KCNMA1: variants seen among roughly 807,000 people sequenced by gnomAD.
KCNMA1 encodes the protein Calcium-activated potassium channel subunit alpha-1.
Under a neutral mutation model 140.0 loss-of-function variants are expected in KCNMA1, and 29 were observed. The observed-to-expected ratio is 0.21, with a 90% CI of 0.15 to 0.28. The LOEUF (loss-of-function observed/expected upper bound fraction) is 0.28. Ranked by LOEUF, KCNMA1 falls within the 10% of genes least tolerant of loss-of-function variation. KCNMA1 has a pLI of 1.00. For missense variants in KCNMA1, 880 were observed against 1,602.2 expected, an observed-to-expected ratio of 0.55 and a Z score of 7.70; for synonymous variants, 612 against 611.9, an observed-to-expected ratio of 1.00 and a Z score of 0.00.
chr10:77,603,074 TG>T (rs2083187737), intron 1 of KCNMA1, among the ~76,000 whole-genome samples: 1 of 152,164 alleles, frequency 6.6e-6, no homozygotes, highest in African/African-American at 2.4e-5. Context: ...GAGTACAGTC[TG>T]GGGCTGCAGG....
chr10:77,157,146 TA>T (rs1243682836), intron 5 of KCNMA1, among the ~76,000 whole-genome samples: 12 of 152,232 alleles, frequency 7.9e-5, no homozygotes, highest in African/African-American at 2.6e-4. Flanking sequence ...TTTTATTTTT[TA>T]AAAAAACATG....
chr10:77,141,508 G>T (rs2098169886), intron 5 of KCNMA1, among the ~76,000 whole-genome samples: 1 of 152,200 alleles, frequency 6.6e-6, no homozygotes, highest in South Asian at 2.1e-4. Flanking sequence ...ACAGTGAGAG[G>T]GCAGCCGCCT....
intron 16 of KCNMA1, among the ~76,000 whole-genome samples, chr10:77,025,939 C>T (rs953611558): frequency 2.1e-5 from 3 of 143,902 alleles, no homozygotes; most frequent in Non-Finnish European, 4.5e-5. Context: ...GGCAACTGCA[C>T]AAAGAAAGCC....
intron 1 of KCNMA1, among the ~76,000 whole-genome samples, chr10:77,625,914 G>T (rs889424385): frequency 6.6e-6 from 1 of 152,136 alleles, no homozygotes; most frequent in Non-Finnish European, 1.5e-5. Flanking sequence ...AATTTGTTTT[G>T]AGAAACTGCC....
At chr10:77,172,111 C>A (rs2098713690) in intron 5 of KCNMA1, among the ~76,000 whole-genome samples, 1 of 152,136 alleles carries the variant, frequency 6.6e-6, no homozygotes, top group Non-Finnish European at 1.5e-5. Flanking sequence ...GATCTGCTAG[C>A]CAGGTCAATC....
At chr10:77,056,364 A>C (rs749369210) in intron 14 of KCNMA1, among the ~76,000 whole-genome samples, 2 of 152,128 alleles carry the variant, frequency 1.3e-5, no homozygotes, top group Non-Finnish European at 2.9e-5. Context: ...TGGGTGACAG[A>C]GTGAGACTCC....
intron 1 of KCNMA1, among the ~76,000 whole-genome samples, chr10:77,498,109 T>C (rs1200522397): frequency 6.6e-6 from 1 of 151,694 alleles, no homozygotes; most frequent in Admixed American, 6.6e-5. Context: ...AAATCAGTTA[T>C]GCAGAAAAAG....
chr10:77,138,404 A>C (rs1373725069), intron 5 of KCNMA1, among the ~76,000 whole-genome samples: 1 of 152,144 alleles, frequency 6.6e-6, no homozygotes, highest in East Asian at 1.9e-4. Flanking sequence ...GATTATAGGC[A>C]TAAGCCATTT....
In KCNMA1 at chr10:77,221,007, T is replaced by C. The variant is rs182278045; in HGVS notation, c.602+30188A>G. On this transcript the variant is annotated intron_variant, in intron 3 of 27. Transcript: ENST00000286628. Reference sequence around the variant, plus strand: ...TTATAAATCAGGATGAGTCATTTGATTCACCAAGGGAAAAGATAAATAAAC... The same window carrying C: ...TTATAAATCAGGATGAGTCATTTGACTCACCAAGGGAAAAGATAAATAAAC... Among the ~76,000 whole-genome samples the C allele has an allele frequency of 1.7e-3, 257 of 152,320 alleles. No homozygotes were observed. The Middle Eastern group carries it at 0.02, about 12-fold the overall frequency.
At chr10:76,992,544 A>G (rs192695970) in intron 19 of KCNMA1, among the ~76,000 whole-genome samples, 4 of 152,318 alleles carry the variant, frequency 2.6e-5, no homozygotes, top group Admixed American at 6.5e-5. Flanking sequence ...AGAAAGCCCC[A>G]GAGAGAGAAG....
intron 17 of KCNMA1, among the ~76,000 whole-genome samples, chr10:77,013,996 A>T (rs551188564): frequency 1.1e-4 from 16 of 152,374 alleles, no homozygotes; most frequent in South Asian, 1.0e-3. Context: ...TAATTGACAA[A>T]TAATAATTGT....
chr10:76,916,653 A>C (rs1274359794), intron 23 of KCNMA1, among the ~76,000 whole-genome samples: 2 of 152,170 alleles, frequency 1.3e-5, no homozygotes, highest in East Asian at 3.9e-4. Context: ...TCACTTGCTA[A>C]ATTTCCAAGG....
intron 2 of KCNMA1, among the ~76,000 whole-genome samples, chr10:77,289,394 C>G (rs2072328232): frequency 1.3e-5 from 2 of 152,186 alleles, no homozygotes; most frequent in South Asian, 4.1e-4. Flanking sequence ...CAGCCGGCGT[C>G]CCTCCAGGTA....
intron 2 of KCNMA1, among the ~76,000 whole-genome samples, chr10:77,259,630 C>T (rs1193230196): frequency 6.6e-6 from 1 of 152,142 alleles, no homozygotes; most frequent in Non-Finnish European, 1.5e-5. Context: ...TCTCCATTTG[C>T]CTCCTCCCAC....
At chr10:77,025,233 GGTGT>G (rs199865838) in intron 16 of KCNMA1, among the ~76,000 whole-genome samples, 1 of 59,314 alleles carries the variant, frequency 1.7e-5, no homozygotes, top group African/African-American at 6.1e-5. Context: ...GTTGGAGAGG[GGTGT>G]GTGTGTATAT....
At chr10:77,547,092 C>T (rs541597160) in intron 1 of KCNMA1, among the ~76,000 whole-genome samples, 37 of 152,242 alleles carry the variant, frequency 2.4e-4, no homozygotes, top group African/African-American at 8.7e-4. Context: ...CCTGGATAAC[C>T]CATCAGAACA....
At chr10:77,310,824 C>T (rs2079062862) in intron 2 of KCNMA1, among the ~76,000 whole-genome samples, 2 of 152,198 alleles carry the variant, frequency 1.3e-5, no homozygotes, top group South Asian at 4.1e-4. Context: ...TAATAAAACC[C>T]TTTCCAACCC....
At chr10:77,275,971 G>A (rs2066554920) in intron 2 of KCNMA1, among the ~76,000 whole-genome samples, 1 of 152,210 alleles carries the variant, frequency 6.6e-6, no homozygotes. Context: ...CCTGTCCCAT[G>A]TCAAGTTCTT....
At chr10:77,475,571 C>T (rs1333479183) in intron 1 of KCNMA1, among the ~76,000 whole-genome samples, 1 of 152,002 alleles carries the variant, frequency 6.6e-6, no homozygotes, top group African/African-American at 2.4e-5. Flanking sequence ...GATGAAGAAA[C>T]CAAGGCAAGG....
Sources: gnomAD v4.1 joint callset for allele counts (sites outside exome capture counted in the v4.1 genomes callset) on GRCh38, gnomAD v4.1.1 for gene constraint, MANE v1.5 for transcripts, NCBI Gene and HGNC (gene_info 2026-07-23, HGNC 2026-07-21) for gene names.